The following RHPN1 variants were observed in gnomAD, a reference collection of about 807,000 sequenced individuals.
The protein encoded by RHPN1 is rhophilin Rho GTPase binding protein 1.
A neutral mutation model predicts 74.7 loss-of-function variants in RHPN1; 77 were observed. That is an observed-to-expected ratio of 1.03 (90% CI 0.86 to 1.25). The LOEUF is 1.25. Ranked by LOEUF, RHPN1 falls within the 50% of genes most tolerant of loss-of-function variation. The probability of loss-of-function intolerance (pLI) is 0.00; values close to 1 mark genes in which losing one functional copy is unlikely to be tolerated. For synonymous variants in RHPN1, 444 were observed against 414.5 expected (o/e 1.07, Z -0.87); for missense variants, 987 against 932.2 (o/e 1.06, Z -0.77).
chr8:143,378,207 G>T (rs879410097), intron 4 of RHPN1, 62 bp from the exon 5 acceptor site: 10 of 1,369,620 alleles, frequency 7.3e-6, no homozygotes, highest in Non-Finnish European at 1.0e-5. Context: ...TGGGTTGGGA[G>T]ACCTCAGGGA....
At chr8:143,374,135 A>T (rs749738390) in intron 1 of RHPN1, 10 of 985,294 alleles carry the variant, frequency 1.0e-5, no homozygotes, top group Non-Finnish European at 1.2e-5. Flanking sequence ...CTCTCTCCAG[A>T]TATCTAGGAG....
In RHPN1 at chr8:143,379,351, C is replaced by T. The variant is rs371582340; in HGVS notation, c.788C>T (p.Ala263Val). The T allele has an allele frequency of 2.9e-5, 47 of 1,601,956 alleles. No homozygotes were observed. The highest frequency in any genetic ancestry group is 4.0e-5 in the African/African-American group (3 of 74,656). The change falls in exon 8 of 15, where the codon GCG (alanine) becomes GTG (valine). Residue 263 changes from alanine (A) to valine (V), a missense_variant. By Grantham distance (64) the Ala-to-Val change is moderately conservative. Transcript: ENST00000289013. ...FSLLRENFSH[A>V]PSPDMSAASL... ...CTCCTGAGGGAGAACTTCTCCCATG[C>T]GCCGAGCCCAGACATGAGCGCTGCG...
At chr8:143,376,684 T>A in intron 3 of RHPN1, 31 bp downstream of exon 3, 2 of 1,546,110 alleles carry the variant, frequency 1.3e-6, no homozygotes, top group Non-Finnish European at 1.7e-6. Context: ...AGCACGTGCG[T>A]GTATGTGTGT....
In RHPN1 at chr8:143,382,708, A is replaced by G. The variant is rs1292898353; in HGVS notation, c.*57A>G. The G allele has an allele frequency of 2.1e-6, 3 of 1,459,020 alleles. No homozygotes were observed. The highest frequency in any genetic ancestry group is 3.8e-5 in the Admixed American group (2 of 53,292). The allele number at this position is 1,459,020 out of a possible 1,614,324, so 90.4% of individuals were successfully genotyped here. A position where few individuals can be genotyped will look rare whatever the true frequency, so the allele number is the denominator to read the frequency against. Reference sequence around the variant, plus strand: ...CTCCAGCTGGCAGCAAGCACCGAGCATGCCCTCCCCACCCAGAGGACCTCC... The same window carrying G: ...CTCCAGCTGGCAGCAAGCACCGAGCGTGCCCTCCCCACCCAGAGGACCTCC... On this transcript the variant is annotated 3_prime_UTR_variant, in exon 15 of 15. Coordinates refer to ENST00000289013, the MANE Select transcript of RHPN1 (RefSeq NM_052924.3).
intron 4 of RHPN1, among the ~76,000 whole-genome samples, chr8:143,377,859 C>A (rs187605697): frequency 2.2e-4 from 34 of 152,342 alleles, no homozygotes; most frequent in Middle Eastern, 6.8e-3. Context: ...CTAGAACAGA[C>A]TGGCACTGCC....
At position 143,378,921 on chromosome 8, in the gene RHPN1, G is replaced by C. The variant is rs201539682; in HGVS notation, c.594G>C (p.Ser198=). The change falls in exon 7 of 15, where the codon TCG becomes TCC. Residue 198 remains serine (S), a synonymous_variant. Coordinates refer to ENST00000289013, the MANE Select transcript of RHPN1 (RefSeq NM_052924.3). The part of the protein sequence containing the change: ...SLGLFFHWYD[S]LTGVPAQQRA... ...TGACCCAACACTGCAGGTACGACTC[G>C]CTTACTGGGGTCCCGGCCCAGCAGC... The C allele has an allele frequency of 1.3e-6, 2 of 1,583,828 alleles. No homozygotes were observed. The highest frequency in any genetic ancestry group is 2.3e-5 in the South Asian group (2 of 86,520).
rs560609081 is a variant in RHPN1, at chr8:143,379,524, C to T, written c.945+16C>T. 188 of 1,531,552 alleles carry T rather than the reference C, an allele frequency of 1.2e-4. No individual in the cohort carries two copies. The highest frequency in any genetic ancestry group is 2.2e-4 in the Middle Eastern group (1 of 4,470). The allele number at this position is 1,531,552 out of a possible 1,614,324, so 94.9% of individuals were successfully genotyped here. On this transcript the variant is annotated intron_variant, in intron 8 of 14. Coordinates refer to ENST00000289013, the MANE Select transcript of RHPN1 (RefSeq NM_052924.3). ...GGCCGCCCAGGTGAGCTCGGGCACC[C>T]GTGTCAGGATGCAGGGGGTGGGGCC...
Position 143,379,013 on chromosome 8 carries a change from C to T in RHPN1, c.686C>T (p.Ala229Val), listed in dbSNP as rs1241429963. The T allele has an allele frequency of 9.0e-6, 14 of 1,549,738 alleles. No homozygotes were observed. The highest frequency in any genetic ancestry group is 3.9e-5 in the Admixed American group (2 of 51,046). Residue 229 changes from alanine (A) to valine (V), a missense_variant, in exon 7 of 15, where the codon GCG (alanine) becomes GTG (valine). Physicochemically the swap from Ala to Val is moderately conservative, Grantham distance 64. Coordinates refer to ENST00000289013, the MANE Select transcript of RHPN1 (RefSeq NM_052924.3). ...GGTGCCCTCCACACGCAGATTGGGG[C>T]GCGCCAGGACCGCTCCTGCACCGAG... ...NIGALHTQIG[A>V]RQDRSCTEGA...
At chr8:143,371,450 G>A (rs1229664659) in intron 1 of RHPN1, among the ~76,000 whole-genome samples, 4 of 152,090 alleles carry the variant, frequency 2.6e-5, no homozygotes, top group African/African-American at 9.7e-5. Context: ...CCTCTCCCTG[G>A]GGACTGCCTG....
At chr8:143,374,647 G>A (rs1390173018) in intron 1 of RHPN1, among the ~76,000 whole-genome samples, 4 of 152,212 alleles carry the variant, frequency 2.6e-5, no homozygotes, top group African/African-American at 4.8e-5. Flanking sequence ...GGAGACCCAG[G>A]CATTCCCACA....
Position 143,375,533 on chromosome 8 carries a change from C to G in RHPN1, c.61-20C>G. On this transcript the variant is annotated intron_variant, in intron 1 of 14. Transcript: ENST00000289013. ...GGGCGCCACGGGGTCGGGCTGTGAT[C>G]GCCTGTGGCCTCCCTGCAGGGCTGT... is the stretch of plus-strand genomic sequence containing the variant. The G allele has an allele frequency of 6.5e-7, 1 of 1,549,280 alleles. No homozygotes were observed. Among genetic ancestry groups the G allele is most frequent in the Non-Finnish European group, 8.7e-7 (1 of 1,147,478 alleles).
rs1818810846 is a variant in RHPN1 at position 143,382,493 on chromosome 8, C to T, written c.1855C>T (p.His619Tyr). The change falls in exon 15 of 15, where the codon CAT (histidine) becomes TAT (tyrosine). Residue 619 changes from histidine (H) to tyrosine (Y), a missense_variant. Physicochemically the swap from His to Tyr is moderately conservative, Grantham distance 83. Coordinates refer to ENST00000289013, the MANE Select transcript of RHPN1 (RefSeq NM_052924.3). ...PRGLLRSQRE[H>Y]GCKTPASTWA... ...GGGGCTTCTAAGGAGCCAGAGGGAG[C>T]ATGGTTGCAAGACCCCGGCATCCAC... 2.5e-6 allele frequency: 4 copies of T among 1,604,702 alleles called. No homozygotes were observed.
chr8:143,374,153 A>G (rs1818053205), intron 1 of RHPN1: 2 of 985,326 alleles, frequency 2.0e-6, no homozygotes, highest in Admixed American at 6.1e-5. Context: ...GAGAAAACCC[A>G]GGAAAACACG....
chr8:143,379,739 GTGGTCGGAGCAGGTGGAGGC>G, intron 8 of RHPN1, 70 bp from the exon 9 acceptor site: 2 of 1,484,556 alleles, frequency 1.3e-6, no homozygotes, highest in Non-Finnish European at 1.8e-6. Flanking sequence ...TGCTGGGATG[GTGGTCGGAGCAGGTGGAGGC>G]TGGGTAGGGA....
Position 143,379,073 on chromosome 8 carries a change from C to T in RHPN1, c.746C>T (p.Ala249Val). Residue 249 changes from alanine (A) to valine (V), a missense_variant, in exon 7 of 15, where the codon GCC (alanine) becomes GTC (valine). By Grantham distance (64) the Ala-to-Val change is moderately conservative. Transcript: ENST00000289013. ...ARRAMEAFQR[A>V]AGAFSLLREN... ...CGCGCTATGGAGGCCTTCCAGAGGG[C>T]CGCTGGTGAGGGCGGCCCGGGCCGC... 6.6e-7 allele frequency: 1 copy of T among 1,516,686 alleles called. No homozygotes were observed. The allele number at this position is 1,516,686 out of a possible 1,614,324, so 94.0% of individuals were successfully genotyped here. A position where few individuals can be genotyped will look rare whatever the true frequency, so the allele number is the denominator to read the frequency against.
At chr8:143,375,810 T>A in intron 2 of RHPN1, 142 bp downstream of exon 2, 1 of 613,476 alleles carries the variant, frequency 1.6e-6, no homozygotes, top group South Asian at 2.1e-5. Context: ...GGGCACGTAG[T>A]ACACGTGATG....
intron 12 of RHPN1, 22 bp downstream of exon 12, chr8:143,381,366 C>T: frequency 1.9e-6 from 3 of 1,591,522 alleles, no homozygotes; most frequent in African/African-American, 1.3e-5. Flanking sequence ...CGTCCCCAGG[C>T]ACCGCCCAGC....
chr8:143,374,369 G>C (rs965757428), intron 1 of RHPN1: 3 of 960,264 alleles, frequency 3.1e-6, no homozygotes, highest in Non-Finnish European at 3.7e-6. Flanking sequence ...CCTGTCTCCC[G>C]ACAAGGGCGG....
intron 1 of RHPN1, among the ~76,000 whole-genome samples, chr8:143,375,151 A>T (rs1251421026): frequency 2.0e-5 from 3 of 152,018 alleles, no homozygotes; most frequent in Non-Finnish European, 4.4e-5. Flanking sequence ...CAAGGGGGGG[A>T]TCCAGAATGA....
Sources: gnomAD v4.1 joint callset for allele counts (sites outside exome capture counted in the v4.1 genomes callset) on GRCh38, gnomAD v4.1.1 for gene constraint, MANE v1.5 for transcripts, NCBI Gene and HGNC (gene_info 2026-07-23, HGNC 2026-07-21) for gene names.